The following SHISAL2A variants were observed in gnomAD, a reference collection of about 807,000 sequenced individuals.
SHISAL2A encodes protein shisa-like-2A.
In SHISAL2A, 18 loss-of-function variants were observed where a neutral mutation model predicts 11.5. The ratio of observed to expected loss-of-function variants is 1.57; its 90% CI spans 1.08 to 2.33. The LOEUF is 2.33. Among genes scored for constraint, SHISAL2A ranks in the 30% most tolerant of loss-of-function variants. The pLI, the probability that SHISAL2A is intolerant of heterozygous loss-of-function variation, is 0.00. For synonymous variants in SHISAL2A, 94 were observed against 99.6 expected (o/e 0.94, Z 0.34); for missense variants, 261 against 250.9 (o/e 1.04, Z -0.27).
rs764926967 is a variant in SHISAL2A, at chr1:52,633,475, G to T, written c.-19G>T. On this transcript the variant is annotated 5_prime_UTR_variant, in exon 1 of 3. Transcript: ENST00000517870. This position sits in a 1 kb window ranked among gnomAD's most constrained non-coding sequence, Gnocchi z 6.4. ...CCGTCTGGTGGCCCGAGGTGGCGGCGGGCTGGGCGCGGGGCGCGATGAGCG... is the reference window on the plus strand; with the variant it reads ...CCGTCTGGTGGCCCGAGGTGGCGGCTGGCTGGGCGCGGGGCGCGATGAGCG... 1 of 1,467,988 alleles carries T rather than the reference G, an allele frequency of 6.8e-7. No individual in the cohort carries two copies. Among genetic ancestry groups the T allele is most frequent in the South Asian group, 1.4e-5 (1 of 73,094 alleles). 90.9% of individuals were successfully genotyped at this position (1,467,988 alleles called of 1,614,324 possible). A position where few individuals can be genotyped will look rare whatever the true frequency, so the allele number is the denominator to read the frequency against.
At chr1:52,654,224 T>TATGG (rs140775927) in intron 2 of SHISAL2A, among the ~76,000 whole-genome samples, 22 of 147,784 alleles carry the variant, frequency 1.5e-4, no homozygotes, top group African/African-American at 5.0e-4. Flanking sequence ...ATGGCAGTTT[T>TATGG]ATAGATAGAT....
At chr1:52,638,427 A>G (rs1691285914) in intron 1 of SHISAL2A, among the ~76,000 whole-genome samples, 1 of 152,230 alleles carries the variant, frequency 6.6e-6, no homozygotes, top group Non-Finnish European at 1.5e-5. Context: ...GTTTAATTAA[A>G]GTAACTAAAG....
intron 2 of SHISAL2A, 45 bp downstream of exon 2, chr1:52,643,047 A>G (rs1558087117): frequency 2.5e-6 from 4 of 1,591,674 alleles, no homozygotes; most frequent in Admixed American, 3.4e-5. Context: ...GTAGACTAGC[A>G]CCTTTTCAAG....
chr1:52,636,661 A>G (rs1348613113), intron 1 of SHISAL2A, among the ~76,000 whole-genome samples: 1 of 152,202 alleles, frequency 6.6e-6, no homozygotes, highest in African/African-American at 2.4e-5. Flanking sequence ...AAAGAACATT[A>G]CCTAAGACTA....
intron 4 of SHISAL2A, among the ~76,000 whole-genome samples, chr1:52,664,788 AC>A: frequency 6.6e-6 from 1 of 151,408 alleles, no homozygotes; most frequent in Non-Finnish European, 1.5e-5. Context: ...GAGCCGCTGC[AC>A]CCCGGCTATT....
intron 1 of SHISAL2A, among the ~76,000 whole-genome samples, chr1:52,641,668 C>T (rs1339316990): frequency 2.0e-5 from 3 of 152,056 alleles, no homozygotes; most frequent in Admixed American, 6.6e-5. Context: ...TGCCTGGGCA[C>T]GGTTGGCTCA....
intron 1 of SHISAL2A, among the ~76,000 whole-genome samples, chr1:52,637,238 T>C (rs1691256600): frequency 6.6e-6 from 1 of 152,200 alleles, no homozygotes. Flanking sequence ...CACAGACAAT[T>C]GCAAAGTGCA....
chr1:52,633,437 G>A lies in SHISAL2A; in HGVS notation c.-57G>A. ...TCGCTCGGTCCCTCGCTTCCCCGCC[G>A]GGCTCTAGCCGGCCGTCTGGTGGCC... is the stretch of plus-strand genomic sequence containing the variant. On this transcript the variant is annotated 5_prime_UTR_variant, in exon 1 of 3. Transcript: ENST00000517870. The surrounding 1 kb of genome is among the most constrained non-coding windows in gnomAD (Gnocchi z 6.4). The A allele has an allele frequency of 7.2e-7, 1 of 1,394,174 alleles. No individual in the cohort carries two copies. Among genetic ancestry groups the A allele is most frequent in the Middle Eastern group, 2.6e-4 (1 of 3,848 alleles). The allele number at this position is 1,394,174 out of a possible 1,614,324, so 86.4% of individuals were successfully genotyped here.
intron 4 of SHISAL2A, among the ~76,000 whole-genome samples, chr1:52,663,826 G>A (rs1691955379): frequency 6.6e-6 from 1 of 152,172 alleles, no homozygotes; most frequent in Admixed American, 6.5e-5. Flanking sequence ...GTAACTTGAA[G>A]TTCAGTCTTT....
rs182315532 is a variant in SHISAL2A, at chr1:52,638,275, C to G, written c.183-4588C>G. Among the ~76,000 whole-genome samples, 117 of 141,614 alleles carry G rather than the reference C, an allele frequency of 8.3e-4. 2 individuals carry two copies. Among genetic ancestry groups the G allele is most frequent in the African/African-American group, 3.3e-3 (116 of 34,910 alleles). 92.9% of individuals were successfully genotyped at this position (141,614 alleles called of 152,430 possible). On this transcript the variant is annotated intron_variant, in intron 1 of 2. Coordinates refer to ENST00000517870, the MANE Select transcript of SHISAL2A (RefSeq NM_001042693.3). The stretch of plus-strand genomic sequence containing the variant: ...GACAGGGACAAACAAAACTCTCCCC[C>G]TCACTCCTCAAAGGGCCTCTCTTAG...
chr1:52,664,379 G>C (rs934600739), intron 4 of SHISAL2A, among the ~76,000 whole-genome samples: 1 of 144,194 alleles, frequency 6.9e-6, no homozygotes, highest in Non-Finnish European at 1.5e-5. Flanking sequence ...TTTTGAAACC[G>C]AGTTTTGCTC....
chr1:52,657,784 G>A (rs1434616835), downstream of SHISAL2A, among the ~76,000 whole-genome samples: 2 of 152,150 alleles, frequency 1.3e-5, no homozygotes, highest in Non-Finnish European at 2.9e-5. Context: ...GAGCCCTGGA[G>A]GTCGAGGCTG....
At position 52,633,613 on chromosome 1, in the gene SHISAL2A, G is replaced by T; in HGVS notation, c.120G>T (p.Lys40Asn). 6.2e-7 allele frequency: 1 copy of T among 1,612,998 alleles called. No homozygotes were observed. The highest frequency in any genetic ancestry group is 8.5e-7 in the Non-Finnish European group (1 of 1,179,554). Residue 40 changes from lysine to asparagine, a missense_variant, in exon 1 of 3, where the codon AAG becomes AAT. Transcript: ENST00000517870. The surrounding 1 kb of genome is among the most constrained non-coding windows in gnomAD (Gnocchi z 6.4). ...TCTGCTGCGGCTTCCGCGACCACAAGTACTGCTGCGACGACCCGCACAGCT... is the reference window on the plus strand; with the variant it reads ...TCTGCTGCGGCTTCCGCGACCACAATTACTGCTGCGACGACCCGCACAGCT... ...AVFCCGFRDH[K>N]YCCDDPHSFF... is the part of the protein sequence containing the mutation.
intron 5 of SHISAL2A, chr1:52,667,737 G>C (rs1451424309): frequency 6.6e-6 from 1 of 152,120 alleles, no homozygotes; most frequent in African/African-American, 2.4e-5. Context: ...AAAGAAGCAG[G>C]CCAAAAACAG....
chr1:52,664,813 A>G (rs1172040605), intron 4 of SHISAL2A, among the ~76,000 whole-genome samples: 1 of 151,962 alleles, frequency 6.6e-6, no homozygotes, highest in Non-Finnish European at 1.5e-5. Context: ...ATTCTAAGAC[A>G]GGATCTTGCT....
At chr1:52,665,968 G>A (rs986783289) in intron 4 of SHISAL2A, among the ~76,000 whole-genome samples, 1 of 152,198 alleles carries the variant, frequency 6.6e-6, no homozygotes, top group Non-Finnish European at 1.5e-5. Context: ...CACCGGCCCT[G>A]GGCTGTGGAC....
exon 6 of SHISAL2A, chr1:52,668,914 G>C (rs1692060619): frequency 6.6e-6 from 1 of 152,228 alleles, no homozygotes; most frequent in African/African-American, 2.4e-5. Flanking sequence ...CTGGCCAAGA[G>C]CTTAGTCAGG....
chr1:52,643,906 G>GGGAGTAA (rs1483171579), intron 2 of SHISAL2A, among the ~76,000 whole-genome samples: 1 of 151,690 alleles, frequency 6.6e-6, no homozygotes, highest in Non-Finnish European at 1.5e-5. Context: ...GAGGGAGGGA[G>GGGAGTAA]GGAAGGAGGG....
intron 4 of SHISAL2A, among the ~76,000 whole-genome samples, chr1:52,666,676 A>C (rs777805804): frequency 1.7e-4 from 26 of 152,244 alleles, no homozygotes; most frequent in Non-Finnish European, 3.2e-4. Flanking sequence ...TGTACCAGTC[A>C]AGATTCTCAG....
Sources: allele counts gnomAD v4.1 joint callset (sites outside exome capture counted in the v4.1 genomes callset), GRCh38; gene constraint gnomAD v4.1.1; non-coding constraint Gnocchi (gnomAD v3.1); transcripts MANE v1.5; gene names NCBI Gene and HGNC (gene_info 2026-07-23, HGNC 2026-07-21).